TRPM6: variants seen among roughly 807,000 people sequenced by gnomAD.
The protein encoded by TRPM6 is channel kinase 2.
TRPM6 carries 111 observed loss-of-function variants against 247.6 expected under a neutral mutation model. The ratio of observed to expected loss-of-function variants is 0.45; its 90% CI spans 0.38 to 0.52. The LOEUF (loss-of-function observed/expected upper bound fraction) is 0.52, where lower values mean the gene tolerates loss of function less well. Among genes scored for constraint, TRPM6 ranks in the 20% least tolerant of loss-of-function variants. TRPM6 has a pLI of 0.00. For synonymous variants in TRPM6, 892 were observed against 853.8 expected (o/e 1.04, Z -0.78); for missense variants, 2,126 against 2,421.5 (o/e 0.88, Z 2.56).
intron 13 of TRPM6, among the ~76,000 whole-genome samples, chr9:74,809,404 T>C (rs914962084): frequency 3.3e-5 from 5 of 152,218 alleles, no homozygotes; most frequent in Admixed American, 3.3e-4. Context: ...ATGAAGATTG[T>C]GACTAATATT....
chr9:74,792,734 G>A lies in TRPM6; in HGVS notation c.2428C>T (p.Leu810=), dbSNP rs55956641. 2.0e-3 allele frequency: 3,157 copies of A among 1,613,858 alleles called. 48 individuals carry two copies. The African/African-American group carries it at 0.036, about 18-fold the overall frequency. The change falls in exon 19 of 39, where the codon CTG becomes TTG. Residue 810 remains leucine, a synonymous_variant. Coordinates refer to ENST00000360774, the MANE Select transcript of TRPM6 (RefSeq NM_017662.5). ...YDLERGHDEK[L]DENQHFGLES... ...AAACCAAAATGCTGATTTTCATCCA[G>A]TTTCTCATCATGGCCCCTTTCCAAA...
intron 14 of TRPM6, chr9:74,804,453 T>C: frequency 3.3e-6 from 2 of 597,194 alleles, no homozygotes; most frequent in East Asian, 3.0e-5. Flanking sequence ...GGGACTAACA[T>C]AAAATATGAT....
At position 74,820,310 on chromosome 9, in the gene TRPM6, C is replaced by G; in HGVS notation, c.1128G>C (p.Arg376Ser). ...FQILMECMVH[R>S]DCITIFDADS... ...ATCAACTCGTCATACTCACACAATC[C>G]CTGTGAACCATACACTCCATTAGAA... Residue 376 changes from arginine to serine, a missense_variant, in exon 9 of 39, where the codon AGG becomes AGC. By Grantham distance (110) the Arg-to-Ser change is moderately radical. This residue lies in a region of TRPM6 where 1,082 missense variants were observed against 1,307.9 expected (regional missense o/e 0.83). Coordinates refer to ENST00000360774, the MANE Select transcript of TRPM6 (RefSeq NM_017662.5). 1 of 1,614,022 alleles carries G rather than the reference C, an allele frequency of 6.2e-7. No individual in the cohort carries two copies. Among genetic ancestry groups the G allele is most frequent in the Non-Finnish European group, 8.5e-7 (1 of 1,179,948 alleles).
At chr9:74,854,724 C>T (rs898644422) in intron 3 of TRPM6, among the ~76,000 whole-genome samples, 1 of 152,112 alleles carries the variant, frequency 6.6e-6, no homozygotes, top group East Asian at 1.9e-4. Flanking sequence ...AGTGCAGTGG[C>T]GTAATCACAG....
chr9:74,797,453 A>G (rs1828139863), intron 17 of TRPM6, among the ~76,000 whole-genome samples: 5 of 152,154 alleles, frequency 3.3e-5, no homozygotes, highest in Admixed American at 2.6e-4. Flanking sequence ...AAGCATCTCT[A>G]AATTACTTAT....
At chr9:74,887,646 C>A in intron 1 of TRPM6, 178 bp downstream of exon 1, 2 of 1,578,432 alleles carry the variant, frequency 1.3e-6, no homozygotes, top group African/African-American at 1.3e-5. Context: ...ATAGGATAAT[C>A]ATCTTTGGGT....
At chr9:74,753,879 G>A (rs1446605949) in intron 28 of TRPM6, among the ~76,000 whole-genome samples, 1 of 152,016 alleles carries the variant, frequency 6.6e-6, no homozygotes, top group Non-Finnish European at 1.5e-5. Flanking sequence ...GATTAGCCGG[G>A]CACTCGGATC....
At position 74,842,312 on chromosome 9, in the gene TRPM6, C is replaced by T. The variant is rs1305588908; in HGVS notation, c.184G>A (p.Ala62Thr). 1 of 1,613,988 alleles carries T rather than the reference C, an allele frequency of 6.2e-7. No homozygotes were observed. The highest frequency in any genetic ancestry group is 8.5e-7 in the Non-Finnish European group (1 of 1,180,022). ...CYCGRLIGDH[A>T]GIDYSWTISA... ...ATGGTCCAGGAATAATCTATCCCAGCATGGTCTCCAATCAGTCGGCCACAG... is the reference window on the plus strand; with the variant it reads ...ATGGTCCAGGAATAATCTATCCCAGTATGGTCTCCAATCAGTCGGCCACAG... The change falls in exon 4 of 39, where the codon GCT becomes ACT. Residue 62 changes from alanine to threonine, a missense_variant. Coordinates refer to ENST00000360774, the MANE Select transcript of TRPM6 (RefSeq NM_017662.5).
chr9:74,878,007 C>T (rs1012220204), intron 1 of TRPM6, among the ~76,000 whole-genome samples: 1 of 152,092 alleles, frequency 6.6e-6, no homozygotes, highest in Non-Finnish European at 1.5e-5. Context: ...GGATCACCTG[C>T]CCCACCCACC....
chr9:74,799,063 G>A (rs976011621), intron 17 of TRPM6, among the ~76,000 whole-genome samples: 18 of 152,136 alleles, frequency 1.2e-4, no homozygotes, highest in African/African-American at 4.1e-4. Context: ...TGATTCCTCA[G>A]TTCCAAGGGT....
intron 23 of TRPM6, among the ~76,000 whole-genome samples, chr9:74,781,636 G>C (rs1335664071): frequency 6.6e-6 from 1 of 151,866 alleles, no homozygotes; most frequent in East Asian, 1.9e-4. Context: ...GGAAGAAAGA[G>C]AGAGAGAGAA....
At chr9:74,745,456 TGTGTGC>T (rs1025978377) in intron 31 of TRPM6, among the ~76,000 whole-genome samples, 1 of 150,316 alleles carries the variant, frequency 6.7e-6, no homozygotes, top group African/African-American at 2.5e-5. Flanking sequence ...AGTGTGTGTG[TGTGTGC>T]GTGTGTGTGT....
chr9:74,840,311 C>T, intron 4 of TRPM6, 74 bp from the exon 5 acceptor site: 1 of 1,103,912 alleles, frequency 9.1e-7, no homozygotes, highest in Non-Finnish European at 1.4e-6. Flanking sequence ...AATGAGCACA[C>T]AGCAGGGCAA....
chr9:74,784,270 AAAAAAAAAAG>A (rs1827568014), intron 21 of TRPM6, among the ~76,000 whole-genome samples: 3 of 151,640 alleles, frequency 2.0e-5, no homozygotes, highest in African/African-American at 7.3e-5. Flanking sequence ...CTCAGAAAAA[AAAAAAAAAAG>A]AAAGAAAAAG....
At chr9:74,786,460 C>T (rs923155295) in intron 20 of TRPM6, among the ~76,000 whole-genome samples, 1 of 152,206 alleles carries the variant, frequency 6.6e-6, no homozygotes, top group African/African-American at 2.4e-5. Flanking sequence ...ATACTGCAGG[C>T]TGGGCGCGGT....
chr9:74,862,586 T>C (rs1041329117), intron 1 of TRPM6, among the ~76,000 whole-genome samples: 1 of 152,222 alleles, frequency 6.6e-6, no homozygotes, highest in African/African-American at 2.4e-5. Flanking sequence ...GTGAGATACC[T>C]TGGGGAGGGA....
Position 74,738,499 on chromosome 9 carries a change from G to A in TRPM6, c.5684C>T (p.Thr1895Ile), listed in dbSNP as rs765671461. 2.5e-6 allele frequency: 4 copies of A among 1,614,104 alleles called. No homozygotes were observed. Among genetic ancestry groups the A allele is most frequent in the Non-Finnish European group, 3.4e-6 (4 of 1,180,000 alleles). The change falls in exon 36 of 39, where the codon ACC becomes ATC. Residue 1895 changes from threonine (T) to isoleucine (I), a missense_variant. Thr to Ile is a moderately conservative substitution (Grantham distance 89, BLOSUM62 -1). Coordinates refer to ENST00000360774, the MANE Select transcript of TRPM6 (RefSeq NM_017662.5). ...CAGCTCCTCCAGGGTGTTGGTGGGG[G>A]TGATTTCATCACCATTGTTGTTGTT... is the stretch of plus-strand genomic sequence containing the variant. ...KYNNNNGDEI[T>I]PTNTLEELML...
rs561872397 is a variant in TRPM6, at chr9:74,724,494, G to A, written c.*119C>T. The A allele has an allele frequency of 1.4e-6, 2 of 1,425,382 alleles. No homozygotes were observed. Among genetic ancestry groups the A allele is most frequent in the African/African-American group, 1.4e-5 (1 of 71,336 alleles). The allele number at this position is 1,425,382 out of a possible 1,614,324, so 88.3% of individuals were successfully genotyped here. A position where few individuals can be genotyped will look rare whatever the true frequency, so the allele number is the denominator to read the frequency against. ...GCCTTTGAACAGAAGGAGATGTGAG[G>A]CTCAGAAGGCGTGTCCCAAGGAGAC... On this transcript the variant is annotated 3_prime_UTR_variant, in exon 39 of 39. Transcript: ENST00000360774.
At chr9:74,782,254 A>G (rs1241253091) in intron 23 of TRPM6, 108 bp downstream of exon 23, 1 of 775,928 alleles carries the variant, frequency 1.3e-6, no homozygotes, top group Non-Finnish European at 2.2e-6. Context: ...TAATAAATAT[A>G]GAACACACAA....
Sources: gnomAD v4.1 joint callset for allele counts (sites outside exome capture counted in the v4.1 genomes callset) on GRCh38, gnomAD v4.1.1 for gene constraint, gnomAD v4.1.1 regional missense constraint, MANE v1.5 for transcripts, NCBI Gene and HGNC (gene_info 2026-07-23, HGNC 2026-07-21) for gene names.